ENPP1: variants seen among roughly 807,000 people sequenced by gnomAD.
ENPP1 encodes ectonucleotide pyrophosphatase/phosphodiesterase family member 1.
Under a neutral mutation model 122.8 loss-of-function variants are expected in ENPP1, and 73 were observed. The ratio of observed to expected loss-of-function variants is 0.59; its 90% confidence interval spans 0.49 to 0.72. The LOEUF (loss-of-function observed/expected upper bound fraction) is 0.72. ENPP1 is among the 30% of genes least tolerant of loss of function. The pLI, the probability that ENPP1 is intolerant of heterozygous loss-of-function variation, is 0.00. For synonymous variants in ENPP1, 367 were observed against 391.6 expected (o/e 0.94, Z 0.74); for missense variants, 978 against 1,128.1 (o/e 0.87, Z 1.91).
At chr6:131,881,643 G>A (rs1054727436) in intron 20 of ENPP1, among the ~76,000 whole-genome samples, 1 of 152,050 alleles carries the variant, frequency 6.6e-6, no homozygotes, top group African/African-American at 2.4e-5. Flanking sequence ...CAACACTTTG[G>A]GGGGCTGAGG....
At chr6:131,808,404 C>T (rs1288431535) in intron 1 of ENPP1, 129 bp downstream of exon 1, 14 of 1,193,644 alleles carry the variant, frequency 1.2e-5, no homozygotes, top group Non-Finnish European at 1.4e-5. Flanking sequence ...AGTGCTTCTT[C>T]GCCCGCGCGC....
At chr6:131,837,406 G>A (rs528092743) in intron 1 of ENPP1, among the ~76,000 whole-genome samples, 49 of 150,926 alleles carry the variant, frequency 3.2e-4, no homozygotes, top group Admixed American at 1.1e-3. Context: ...CATGCCTGTA[G>A]TCCCAGCCAC....
intron 1 of ENPP1, among the ~76,000 whole-genome samples, chr6:131,811,914 A>G (rs532012836): frequency 4.5e-4 from 68 of 152,292 alleles, no homozygotes; most frequent in African/African-American, 1.5e-3. Flanking sequence ...GGGAAGGCTC[A>G]TTTCCGGATA....
intron 1 of ENPP1, among the ~76,000 whole-genome samples, chr6:131,833,246 G>A (rs1781635432): frequency 6.6e-6 from 1 of 151,578 alleles, no homozygotes; most frequent in African/African-American, 2.4e-5. Flanking sequence ...TTTAATGTTT[G>A]TTCATTTTGT....
chr6:131,851,312 G>A (rs371189338), intron 4 of ENPP1, 45 bp downstream of exon 4: 241 of 1,613,154 alleles, frequency 1.5e-4, no homozygotes, highest in Middle Eastern at 3.3e-4. Flanking sequence ...ATCTTCCAGC[G>A]TCTTAGCGGG....
chr6:131,845,044 T>A (rs984323673), intron 1 of ENPP1, among the ~76,000 whole-genome samples: 1 of 55,706 alleles, frequency 1.8e-5, no homozygotes, highest in East Asian at 2.8e-4. Flanking sequence ...TTCTTCATGG[T>A]TTTTTTTTTT....
At chr6:131,881,605 C>A (rs1434126559) in intron 20 of ENPP1, among the ~76,000 whole-genome samples, 1 of 152,144 alleles carries the variant, frequency 6.6e-6, no homozygotes, top group Admixed American at 6.6e-5. Context: ...TTAAAATTGA[C>A]CAGCGCGGTG....
intron 1 of ENPP1, among the ~76,000 whole-genome samples, chr6:131,823,717 A>G (rs768598669): frequency 6.6e-5 from 10 of 151,550 alleles, no homozygotes; most frequent in Non-Finnish European, 1.2e-4. Context: ...GAACCACTCA[A>G]TTGCTACTGG....
At position 131,868,197 on chromosome 6, in the gene ENPP1, T is replaced by G; in HGVS notation, c.1273+71T>G. On this transcript the variant is annotated intron_variant, in intron 12 of 24. Transcript: ENST00000647893. ...GAAAGTTTACTTGATGGTTTCCCAA[T>G]TTTTTCTGAATGTTGTAGTTAATTC... 3.4e-6 allele frequency: 4 copies of G among 1,165,032 alleles called. No individual in the cohort carries two copies. In the South Asian group the frequency reaches 4.9e-5, roughly 14 times the overall value. 72.2% of individuals were successfully genotyped at this position (1,165,032 alleles called of 1,614,324 possible). A position where few individuals can be genotyped will look rare whatever the true frequency, so the allele number is the denominator to read the frequency against.
intron 15 of ENPP1, 87 bp downstream of exon 15, chr6:131,873,137 A>C: frequency 1.4e-6 from 2 of 1,397,254 alleles, no homozygotes; most frequent in Non-Finnish European, 2.0e-6. Context: ...CAATATTGTT[A>C]TGTGAAAACT....
intron 1 of ENPP1, among the ~76,000 whole-genome samples, chr6:131,814,831 A>G (rs898500537): frequency 6.6e-6 from 1 of 152,242 alleles, no homozygotes; most frequent in Non-Finnish European, 1.5e-5. Context: ...AATAAAATAC[A>G]TAAAGGATTC....
In ENPP1 at chr6:131,827,786, G is replaced by A. The variant is rs191305836; in HGVS notation, c.240+19511G>A. 168 of 865,674 alleles carry A rather than the reference G, an allele frequency of 1.9e-4. No homozygotes were observed. The East Asian group carries it at 3.7e-3, about 19-fold the overall frequency. 53.6% of individuals were successfully genotyped at this position (865,674 alleles called of 1,614,324 possible). On this transcript the variant is annotated intron_variant, in intron 1 of 24. Transcript: ENST00000647893. Reference sequence around the variant, plus strand: ...TCTATACCAGCTGACTCCAAAGCCCGCTGCAGGTGGGGCAATGACTGCTTT... The same window carrying A: ...TCTATACCAGCTGACTCCAAAGCCCACTGCAGGTGGGGCAATGACTGCTTT...
At chr6:131,816,609 C>T (rs1231841666) in intron 1 of ENPP1, among the ~76,000 whole-genome samples, 6 of 152,128 alleles carry the variant, frequency 3.9e-5, no homozygotes, top group East Asian at 1.9e-4. Context: ...TAAATATTAA[C>T]GGGAAGACTA....
intron 1 of ENPP1, among the ~76,000 whole-genome samples, chr6:131,841,532 A>C (rs1283989615): frequency 6.6e-6 from 1 of 152,228 alleles, no homozygotes; most frequent in East Asian, 1.9e-4. Context: ...AATGTCACTT[A>C]ACAAACTGAC....
chr6:131,833,544 C>A (rs1345010154), intron 1 of ENPP1, among the ~76,000 whole-genome samples: 1 of 152,080 alleles, frequency 6.6e-6, no homozygotes, highest in African/African-American at 2.4e-5. Context: ...TTTCCATTAT[C>A]ATTTTTGGAT....
intron 11 of ENPP1, 82 bp from the exon 12 acceptor site, chr6:131,867,936 T>A (rs1782111494): frequency 6.6e-6 from 6 of 915,782 alleles, no homozygotes; most frequent in Non-Finnish European, 1.0e-5. Context: ...TCTTTTTTTT[T>A]TTTTTTAACA....
chr6:131,868,215 G>C (rs78861447), intron 12 of ENPP1, 89 bp downstream of exon 12: 2 of 941,818 alleles, frequency 2.1e-6, no homozygotes, highest in Non-Finnish European at 3.4e-6. Flanking sequence ...GAATGTTGTA[G>C]TTAATTCTTT....
chr6:131,823,673 T>C lies in ENPP1; in HGVS notation c.240+15398T>C, dbSNP rs79102617. Among the ~76,000 whole-genome samples, 192 of 151,616 alleles carry C rather than the reference T, an allele frequency of 1.3e-3. 1 individual carries two copies. Among genetic ancestry groups the C allele is most frequent in the African/African-American group, 4.3e-3 (176 of 41,298 alleles). On this transcript the variant is annotated intron_variant, in intron 1 of 24. Coordinates refer to ENST00000647893, the MANE Select transcript of ENPP1 (RefSeq NM_006208.3). The stretch of plus-strand genomic sequence containing the variant: ...ATGTGTCCTCTCAAATGAAACATTC[T>C]TTAGATGCTCTTTGGCCCCATCTCC...
Position 131,860,441 on chromosome 6 carries a change from A to G in ENPP1, c.850A>G (p.Met284Val), listed in dbSNP as rs1238850232. Residue 284 changes from methionine (M) to valine (V), a missense_variant, in exon 8 of 25, where the codon ATG becomes GTG. Around this residue, in one of 3 missense-constraint regions of ENPP1, gnomAD observed 644 missense variants for 781.5 expected, o/e 0.82. Transcript: ENST00000647893. Reference sequence around the variant, plus strand: ...CGACAATAAAATGTATGATCCCAAAATGAATGCTTCCTTTTCACTTAAAAG... The same window carrying G: ...CGACAATAAAATGTATGATCCCAAAGTGAATGCTTCCTTTTCACTTAAAAG... ...IIDNKMYDPK[M>V]NASFSLKSKE... The G allele has an allele frequency of 6.3e-7, 1 of 1,594,158 alleles. No homozygotes were observed. The highest frequency in any genetic ancestry group is 8.6e-7 in the Non-Finnish European group (1 of 1,162,380).
Sources: gnomAD v4.1 joint callset for allele counts (sites outside exome capture counted in the v4.1 genomes callset) on GRCh38, gnomAD v4.1.1 for gene constraint, gnomAD v4.1.1 regional missense constraint, MANE v1.5 for transcripts, NCBI Gene and HGNC (gene_info 2026-07-23, HGNC 2026-07-21) for gene names.